DPYD: variants seen among roughly 807,000 people sequenced by gnomAD.
DPYD encodes dihydropyrimidine dehydrogenase.
In DPYD, 109 loss-of-function variants were observed where a neutral mutation model predicts 116.2. The ratio of observed to expected loss-of-function variants is 0.94; its 90% CI spans 0.80 to 1.10. DPYD has a LOEUF of 1.10. Among genes scored for constraint, DPYD ranks in the 50% least tolerant of loss-of-function variants. The pLI is 0.00. For synonymous variants in DPYD, 440 were observed against 432.0 expected, an observed-to-expected ratio of 1.02 and a Z score of -0.23; for missense variants, 1,302 against 1,254.5, an observed-to-expected ratio of 1.04 and a Z score of -0.57.
intron 1 of DPYD, among the ~76,000 whole-genome samples, chr1:97,890,040 T>C (rs1260270180): frequency 2.6e-5 from 4 of 151,970 alleles, no homozygotes; most frequent in Non-Finnish European, 5.9e-5. Context: ...GTTGATACCA[T>C]TTATATAAAA....
At chr1:97,286,013 T>C (rs1346822829) in intron 18 of DPYD, among the ~76,000 whole-genome samples, 1 of 152,200 alleles carries the variant, frequency 6.6e-6, no homozygotes, top group Admixed American at 6.5e-5. Context: ...TTCTTCCTAG[T>C]CTCGATAATC....
chr1:97,452,628 G>A (rs1264229877), intron 13 of DPYD, among the ~76,000 whole-genome samples: 1 of 152,120 alleles, frequency 6.6e-6, no homozygotes, highest in East Asian at 1.9e-4. Context: ...CATCATGGGG[G>A]AGAATTTCTC....
At chr1:97,715,518 T>C (rs998979922) in intron 5 of DPYD, among the ~76,000 whole-genome samples, 2 of 152,154 alleles carry the variant, frequency 1.3e-5, no homozygotes, top group African/African-American at 4.8e-5. Context: ...CAATGTTAGT[T>C]TGATTAACTG....
At chr1:97,116,057 A>C (rs980254860) in intron 20 of DPYD, among the ~76,000 whole-genome samples, 12 of 152,272 alleles carry the variant, frequency 7.9e-5, no homozygotes, top group Non-Finnish European at 1.6e-4. Context: ...TAAAACTATA[A>C]TGTTAGCTTT....
chr1:97,295,298 A>T (rs1666455094), intron 18 of DPYD, among the ~76,000 whole-genome samples: 2 of 152,206 alleles, frequency 1.3e-5, no homozygotes, highest in Admixed American at 1.3e-4. Flanking sequence ...GCTGCTATGC[A>T]TTGCTTGAAT....
chr1:97,491,683 TAAC>T (rs975158122), intron 13 of DPYD, among the ~76,000 whole-genome samples: 4 of 152,064 alleles, frequency 2.6e-5, no homozygotes, highest in Non-Finnish European at 4.4e-5. Context: ...TTTCAACAAA[TAAC>T]AATATAAACA....
At chr1:97,790,631 A>G (rs533154126) in intron 3 of DPYD, among the ~76,000 whole-genome samples, 6 of 152,324 alleles carry the variant, frequency 3.9e-5, no homozygotes, top group Admixed American at 1.3e-4. Flanking sequence ...AAGTAAAAAC[A>G]GTGTGGTTAT....
In DPYD at chr1:97,867,118, T is replaced by C. The variant is rs147321522; in HGVS notation, c.150+16146A>G. Among the ~76,000 whole-genome samples the C allele has an allele frequency of 6.7e-3, 1,026 of 152,010 alleles. 24 individuals are homozygous for C. The highest frequency in any genetic ancestry group is 4.5e-3 in the Non-Finnish European group (303 of 67,890). Reference sequence around the variant, plus strand: ...ATAGGAGAATATTAGAGTTCAATACTGTCATTAGACATGGATAACAGAGGG... The same window carrying C: ...ATAGGAGAATATTAGAGTTCAATACCGTCATTAGACATGGATAACAGAGGG... On this transcript the variant is annotated intron_variant, in intron 2 of 22. Coordinates refer to ENST00000370192, the MANE Select transcript of DPYD (RefSeq NM_000110.4).
chr1:97,700,797 A>C (rs1057405224), intron 5 of DPYD, among the ~76,000 whole-genome samples: 1 of 152,034 alleles, frequency 6.6e-6, no homozygotes, highest in Non-Finnish European at 1.5e-5. Flanking sequence ...ATATGTAAGA[A>C]GAATGTAAAC....
chr1:97,217,803 A>G (rs978811986), intron 19 of DPYD, among the ~76,000 whole-genome samples: 2 of 152,192 alleles, frequency 1.3e-5, no homozygotes, highest in African/African-American at 4.8e-5. Flanking sequence ...CTGATGTGCC[A>G]ATCATTGTTG....
chr1:97,328,709 C>G (rs1607779), intron 16 of DPYD, among the ~76,000 whole-genome samples: 3 of 152,144 alleles, frequency 2.0e-5, no homozygotes, highest in African/African-American at 7.2e-5. Context: ...AGAACTATAT[C>G]CTACTAGAAA....
chr1:97,827,767 CAATT>C (rs1470038910), intron 3 of DPYD, among the ~76,000 whole-genome samples: 13 of 151,948 alleles, frequency 8.6e-5, no homozygotes, highest in East Asian at 3.9e-4. Flanking sequence ...AAATACTACT[CAATT>C]AAAGCACCAT....
chr1:97,740,563 G>T, intron 3 of DPYD, 84 bp from the exon 4 acceptor site: 1 of 1,123,134 alleles, frequency 8.9e-7, no homozygotes, highest in Non-Finnish European at 1.3e-6. Flanking sequence ...CAGAGTCCGT[G>T]TCTAGTAAGT....
At chr1:97,255,194 G>T (rs540184881) in intron 18 of DPYD, among the ~76,000 whole-genome samples, 93 of 152,248 alleles carry the variant, frequency 6.1e-4, no homozygotes, top group African/African-American at 2.1e-3. Flanking sequence ...AGTCTTCAGG[G>T]AGCAAAGCTT....
At chr1:97,761,622 C>T (rs917973675) in intron 3 of DPYD, among the ~76,000 whole-genome samples, 8 of 151,986 alleles carry the variant, frequency 5.3e-5, no homozygotes, top group East Asian at 3.9e-4. Context: ...GTGGCAATTC[C>T]GTAACTGAAA....
chr1:97,169,553 AT>A (rs1656573140), intron 20 of DPYD, among the ~76,000 whole-genome samples: 12 of 149,222 alleles, frequency 8.0e-5, no homozygotes, highest in Admixed American at 7.4e-4. Context: ...ATTTTATTTT[AT>A]TTTATTTGTT....
chr1:97,246,274 A>G (rs1662713317), intron 18 of DPYD, among the ~76,000 whole-genome samples: 1 of 152,174 alleles, frequency 6.6e-6, no homozygotes, highest in South Asian at 2.1e-4. Flanking sequence ...GCTCAAAGGC[A>G]GCAGAAGAGA....
intron 16 of DPYD, among the ~76,000 whole-genome samples, chr1:97,355,258 ATTT>A (rs1253997352): frequency 1.3e-5 from 2 of 152,056 alleles, no homozygotes; most frequent in Admixed American, 6.6e-5. Context: ...TTGAAATTTT[ATTT>A]TTTAATAATT....
intron 4 of DPYD, among the ~76,000 whole-genome samples, chr1:97,727,130 C>G (rs1445518536): frequency 1.3e-5 from 2 of 151,572 alleles, no homozygotes; most frequent in Admixed American, 1.3e-4. Flanking sequence ...TTCCTGATAT[C>G]AAGATGCTTT....
Sources: allele counts gnomAD v4.1 joint callset (sites outside exome capture counted in the v4.1 genomes callset), GRCh38; gene constraint gnomAD v4.1.1; transcripts MANE v1.5; gene names NCBI Gene and HGNC (gene_info 2026-07-23, HGNC 2026-07-21).